Variants in DEAF1 observed in about 807,000 individuals in gnomAD.
DEAF1 encodes DEAF1 transcription factor, also known as deformed epidermal autoregulatory factor 1 homolog.
In DEAF1, 53 loss-of-function variants were observed where a neutral mutation model predicts 58.9. The observed-to-expected ratio is 0.90, with a 90% CI of 0.72 to 1.13. The LOEUF (loss-of-function observed/expected upper bound fraction) is 1.13. Among genes scored for constraint, DEAF1 ranks in the 50% most tolerant of loss-of-function variants. The probability of loss-of-function intolerance (pLI) is 0.00; values close to 1 mark genes in which losing one functional copy is unlikely to be tolerated. For missense variants in DEAF1, 685 were observed against 791.4 expected (o/e 0.87, Z 1.61); for synonymous variants, 385 against 340.4 (o/e 1.13, Z -1.44).
chr11:703,873 C>T (rs1201345413), intron 1 of DEAF1: 25 of 1,237,242 alleles, frequency 2.0e-5, no homozygotes, highest in South Asian at 4.1e-5. Context: ...GGGCCACATT[C>T]GGAGCCTCCG....
At chr11:700,943 C>T (rs745358780) in intron 1 of DEAF1, 85 of 573,570 alleles carry the variant, frequency 1.5e-4, no homozygotes, top group Admixed American at 2.4e-4. Context: ...TGTTTGGAAG[C>T]ATGTCTTGTA....
At chr11:666,710 CA>C (rs1859542927) in intron 10 of DEAF1, among the ~76,000 whole-genome samples, 1 of 151,128 alleles carries the variant, frequency 6.6e-6, no homozygotes, top group Admixed American at 6.6e-5. Flanking sequence ...CGTCTCAAAA[CA>C]AAACAAAACA....
In DEAF1 at chr11:688,185, A is replaced by T. The variant is rs1446660724; in HGVS notation, c.518-128T>A. The T allele has an allele frequency of 1.3e-6, 2 of 1,532,854 alleles. No individual in the cohort carries two copies. Among genetic ancestry groups the T allele is most frequent in the African/African-American group, 2.8e-5 (2 of 72,708 alleles). The allele number at this position is 1,532,854 out of a possible 1,614,324, so 95.0% of individuals were successfully genotyped here. ...GGCGGAAAAACTTCTTGGTCAGGAA[A>T]ATTCCAATGCTTTTACTTAAAATCT... On this transcript the variant is annotated intron_variant, in intron 3 of 11. Coordinates refer to ENST00000382409, the MANE Select transcript of DEAF1 (RefSeq NM_021008.4). The surrounding 1 kb of genome is among the most constrained non-coding windows in gnomAD (Gnocchi z 4.3).
upstream of DEAF1, among the ~76,000 whole-genome samples, chr11:698,320 G>A (rs1235051954): frequency 1.3e-5 from 2 of 152,158 alleles, no homozygotes; most frequent in African/African-American, 4.8e-5. Flanking sequence ...GGTGGGAGAA[G>A]GCCCAAGAGG....
At chr11:664,454 G>T (rs1307423108) in intron 10 of DEAF1, among the ~76,000 whole-genome samples, 1 of 146,670 alleles carries the variant, frequency 6.8e-6, no homozygotes, top group Non-Finnish European at 1.5e-5. Context: ...CGTCACACTC[G>T]GTCACTCTGA....
chr11:704,377 G>C, intron 1 of DEAF1: 1 of 1,116,270 alleles, frequency 9.0e-7, no homozygotes, highest in Non-Finnish European at 1.2e-6. Flanking sequence ...GCCTGTCTTC[G>C]TGGAAGCGGT....
At chr11:676,658 C>G (rs773778276) in intron 9 of DEAF1, among the ~76,000 whole-genome samples, 4 of 152,014 alleles carry the variant, frequency 2.6e-5, no homozygotes, top group Non-Finnish European at 5.9e-5. Flanking sequence ...GCATCTGCCA[C>G]CAGGCCTGGC....
chr11:684,976 A>G lies in DEAF1; in HGVS notation c.805-13T>C. 6.4e-7 allele frequency: 1 copy of G among 1,551,278 alleles called. No individual in the cohort carries two copies. Among genetic ancestry groups the G allele is most frequent in the African/African-American group, 1.4e-5 (1 of 73,166 alleles). The stretch of plus-strand genomic sequence containing the variant: ...TTAAGATCCCATCCTGAGATGTGAA[A>G]AGAACCACCATGCATTAGCAAGTCA... On this transcript the variant is annotated splice_polypyrimidine_tract_variant and intron_variant, in intron 5 of 11. Transcript: ENST00000382409.
chr11:694,877 CTCCGCCTCCGAGTCTGCG>C lies in DEAF1; in HGVS notation c.153_170del (p.Asp51_Ala56del). 1.3e-6 allele frequency: 2 copies of C among 1,501,752 alleles called. No homozygotes were observed. Among genetic ancestry groups the C allele is most frequent in the Non-Finnish European group, 1.8e-6 (2 of 1,130,198 alleles). 93.0% of individuals were successfully genotyped at this position (1,501,752 alleles called of 1,614,324 possible). A position where few individuals can be genotyped will look rare whatever the true frequency, so the allele number is the denominator to read the frequency against. ...CTGCCGTGACCCGCGGCGTCTCCCG[CTCCGCCTCCGAGTCTGCG>C]TCCTCCTCCGAGTCCTCGTCCCTGC... On this transcript the variant is annotated inframe_deletion, in exon 1 of 12. Transcript: ENST00000382409.
Position 644,730 on chromosome 11 carries a change from C to A in DEAF1, c.1594-76G>T, listed in dbSNP as rs973175401. 4 of 1,200,102 alleles carry A rather than the reference C, an allele frequency of 3.3e-6. No homozygotes were observed. The African/African-American group carries it at 4.5e-5, about 14-fold the overall frequency. The allele number at this position is 1,200,102 out of a possible 1,614,324, so 74.3% of individuals were successfully genotyped here. ...TCTGGGCAGGGTCCCCAAGGCAGAC[C>A]CCAGAGGGTGCAGCCCTCTGTAACC... is the stretch of plus-strand genomic sequence containing the variant. On this transcript the variant is annotated intron_variant, in intron 11 of 11. Coordinates refer to ENST00000382409, the MANE Select transcript of DEAF1 (RefSeq NM_021008.4). This position sits in a 1 kb window ranked among gnomAD's most constrained non-coding sequence, Gnocchi z 4.3.
upstream of DEAF1, chr11:695,679 G>T: frequency 1.6e-6 from 2 of 1,243,354 alleles, no homozygotes. Context: ...CGGACTAATC[G>T]GGCCTCGGCC....
At chr11:705,842 C>T (rs1861688731) in intron 1 of DEAF1, among the ~76,000 whole-genome samples, 1 of 152,238 alleles carries the variant, frequency 6.6e-6, no homozygotes, top group Non-Finnish European at 1.5e-5. Context: ...CCCCGTCCCC[C>T]GGCCTGCTGG....
At chr11:650,651 G>GTT (rs71022945) in intron 11 of DEAF1, among the ~76,000 whole-genome samples, 1 of 149,920 alleles carries the variant, frequency 6.7e-6, no homozygotes, top group Non-Finnish European at 1.5e-5. Context: ...AGCCAAAAAG[G>GTT]TTTTTTTTAA....
chr11:681,872 G>T (rs116246900), intron 6 of DEAF1, among the ~76,000 whole-genome samples: 1 of 152,064 alleles, frequency 6.6e-6, no homozygotes, highest in Admixed American at 6.6e-5. Flanking sequence ...CCCAACATCC[G>T]GACCTCTCCA....
chr11:681,656 C>T (rs1860379610), intron 6 of DEAF1, among the ~76,000 whole-genome samples: 1 of 152,068 alleles, frequency 6.6e-6, no homozygotes, highest in Non-Finnish European at 1.5e-5. Context: ...GTGATCTGCC[C>T]ACCTCGGCCT....
At chr11:692,934 C>T (rs990347111) in intron 1 of DEAF1, among the ~76,000 whole-genome samples, 1 of 152,180 alleles carries the variant, frequency 6.6e-6, no homozygotes. Flanking sequence ...CCTCGCCTCT[C>T]AGCACCACAA....
In DEAF1 at chr11:688,379, T is replaced by G. The variant is rs1341583935; in HGVS notation, c.469A>C (p.Ile157Leu). 3.7e-6 allele frequency: 6 copies of G among 1,613,822 alleles called. No individual in the cohort carries two copies. Among genetic ancestry groups the G allele is most frequent in the Non-Finnish European group, 5.1e-6 (6 of 1,180,054 alleles). The stretch of plus-strand genomic sequence containing the variant: ...CCTTTCAGCCCGGTGGTCTCCACGA[T>G]GCTCCCATCTGTGTGGACGACAATC... ...TLIVVHTDGS[I>L]VETTGLKGPA... The change falls in exon 3 of 12, where the codon ATC becomes CTC. Residue 157 changes from isoleucine to leucine, a missense_variant. This residue lies in a region of DEAF1 where 132 missense variants were observed against 234.3 expected (regional missense o/e 0.56). Coordinates refer to ENST00000382409, the MANE Select transcript of DEAF1 (RefSeq NM_021008.4). The surrounding 1 kb of genome is among the most constrained non-coding windows in gnomAD (Gnocchi z 4.3).
At chr11:677,379 G>GTCT (rs933280829) in intron 9 of DEAF1, among the ~76,000 whole-genome samples, 3 of 95,726 alleles carry the variant, frequency 3.1e-5, no homozygotes, top group Non-Finnish European at 7.2e-5. Flanking sequence ...CGTGCCTGAA[G>GTCT]TCTACACTCC....
At position 688,508 on chromosome 11, in the gene DEAF1, G is replaced by A; in HGVS notation, c.388-48C>T. ...CAGGTCACGTCCGAGAGTGACACCA[G>A]GCGTGTCACTGAGCCCAGCTGGGCC... On this transcript the variant is annotated intron_variant, in intron 2 of 11. Transcript: ENST00000382409. The surrounding 1 kb of genome is among the most constrained non-coding windows in gnomAD (Gnocchi z 4.3). 6.2e-7 allele frequency: 1 copy of A among 1,610,956 alleles called. No individual in the cohort carries two copies.
Sources: allele counts gnomAD v4.1 joint callset (sites outside exome capture counted in the v4.1 genomes callset), GRCh38; gene constraint gnomAD v4.1.1; regional missense constraint gnomAD v4.1.1; non-coding constraint Gnocchi (gnomAD v3.1); transcripts MANE v1.5; gene names NCBI Gene and HGNC (gene_info 2026-07-23, HGNC 2026-07-21).